CCNF: variants seen among roughly 807,000 people sequenced by gnomAD.
CCNF encodes cyclin-F.
Under a neutral mutation model 85.4 loss-of-function variants are expected in CCNF, and 30 were observed. That is an observed-to-expected ratio of 0.35 (90% CI 0.26 to 0.48). The LOEUF is 0.48. Ranked by LOEUF, CCNF falls within the 20% of genes least tolerant of loss-of-function variation. The pLI is 0.99. For synonymous variants in CCNF, 439 were observed against 425.1 expected, an observed-to-expected ratio of 1.03 and a Z score of -0.40; for missense variants, 919 against 1,010.4, an observed-to-expected ratio of 0.91 and a Z score of 1.23.
At chr16:2,454,365 C>T (rs955577533) in intron 15 of CCNF, among the ~76,000 whole-genome samples, 1 of 152,174 alleles carries the variant, frequency 6.6e-6, no homozygotes, top group African/African-American at 2.4e-5. Flanking sequence ...ACACACGCAC[C>T]GACTCCCTGG....
Position 2,456,744 on chromosome 16 carries a change from G to C in CCNF, c.2085G>C (p.Lys695Asn), listed in dbSNP as rs1334520310. 1 of 1,612,252 alleles carries C rather than the reference G, an allele frequency of 6.2e-7. No individual in the cohort carries two copies. Among genetic ancestry groups the C allele is most frequent in the African/African-American group, 1.3e-5 (1 of 75,022 alleles). The change falls in exon 17 of 17, where the codon AAG becomes AAC. Residue 695 changes from lysine (K) to asparagine (N), a missense_variant. Physicochemically the swap from Lys to Asn is moderately conservative, Grantham distance 94 (BLOSUM62 0). Coordinates refer to ENST00000397066, the MANE Select transcript of CCNF (RefSeq NM_001761.3). This position sits in a 1 kb window ranked among gnomAD's most constrained non-coding sequence, Gnocchi z 4.5. Reference sequence around the variant, plus strand: ...TCCGCACCAGCCGGGAGCCAGGGAAGGACGTCACGACCTCAGGGTACTCCT... The same window carrying C: ...TCCGCACCAGCCGGGAGCCAGGGAACGACGTCACGACCTCAGGGTACTCCT... Reference protein sequence around the residue: ...PLVRTSREPGKDVTTSGYSSV... With the variant: ...PLVRTSREPGNDVTTSGYSSV...
intron 1 of CCNF, among the ~76,000 whole-genome samples, chr16:2,430,218 C>T (rs1041520783): frequency 3.3e-5 from 5 of 151,902 alleles, no homozygotes; most frequent in Admixed American, 3.3e-4. Context: ...AGGGGAGTGG[C>T]GCTTCCTTTC....
chr16:2,440,552 A>ACTACACTCCATG (rs2065315683), intron 8 of CCNF, among the ~76,000 whole-genome samples: 1 of 151,942 alleles, frequency 6.6e-6, no homozygotes, highest in African/African-American at 2.4e-5. Flanking sequence ...AGGTTGCAGT[A>ACTACACTCCATG]CCACTACACT....
intron 8 of CCNF, among the ~76,000 whole-genome samples, chr16:2,442,864 T>TTA (rs1336638347): frequency 9.4e-5 from 4 of 42,728 alleles, no homozygotes; most frequent in African/African-American, 6.8e-4. Flanking sequence ...ATATATTATA[T>TTA]TATATATATT....
rs1473752616 is a variant in CCNF, at chr16:2,431,143, G to A, written c.30G>A (p.Arg10=). 3 of 1,613,798 alleles carry A rather than the reference G, an allele frequency of 1.9e-6. No homozygotes were observed. The highest frequency in any genetic ancestry group is 2.5e-6 in the Non-Finnish European group (3 of 1,179,996). Reference sequence around the variant, plus strand: ...TTTTTCCTTCAGTGGTCCACTGTAGGTGTGCCAAGTGTTTCTGTTATCCTA... The same window carrying A: ...TTTTTCCTTCAGTGGTCCACTGTAGATGTGCCAAGTGTTTCTGTTATCCTA... MGSGGVVHC[R]CAKCFCYPTK... Residue 10 remains arginine (R), a synonymous_variant, in exon 2 of 17, where the codon AGG becomes AGA. Transcript: ENST00000397066.
Position 2,455,654 on chromosome 16 carries a change from G to A in CCNF, c.1885+90G>A, listed in dbSNP as rs758432974. 2.3e-5 allele frequency: 34 copies of A among 1,461,866 alleles called. No individual in the cohort carries two copies. The Middle Eastern group carries it at 1.8e-3, about 77-fold the overall frequency. The allele number at this position is 1,461,866 out of a possible 1,614,324, so 90.6% of individuals were successfully genotyped here. On this transcript the variant is annotated intron_variant, in intron 16 of 16. Coordinates refer to ENST00000397066, the MANE Select transcript of CCNF (RefSeq NM_001761.3). ...TCTGGGCACCCGGCCCTGTGCGAGCGCTGTGGGAGGAAGATGTGCACAGAG... is the reference window on the plus strand; with the variant it reads ...TCTGGGCACCCGGCCCTGTGCGAGCACTGTGGGAGGAAGATGTGCACAGAG...
chr16:2,445,269 TGGG>T, intron 9 of CCNF, 186 bp from the exon 10 acceptor site: 1 of 625,512 alleles, frequency 1.6e-6, no homozygotes. Flanking sequence ...GGGCCTGCTT[TGGG>T]GCTGGGACCC....
Position 2,449,392 on chromosome 16 carries a change from C to T in CCNF, c.1329C>T (p.Ser443=). The T allele has an allele frequency of 1.2e-6, 2 of 1,612,670 alleles. No individual in the cohort carries two copies. The highest frequency in any genetic ancestry group is 1.7e-5 in the Admixed American group (1 of 60,022). ...FLCELSLLHT[S]LSAYAPARLA... Reference sequence around the variant, plus strand: ...GCGAGCTCTCCCTGCTGCACACCAGCCTGTCCGCCTACGCCCCAGCCCGCC... The same window carrying T: ...GCGAGCTCTCCCTGCTGCACACCAGTCTGTCCGCCTACGCCCCAGCCCGCC... Residue 443 remains serine (S), a synonymous_variant, in exon 12 of 17, where the codon AGC becomes AGT. Coordinates refer to ENST00000397066, the MANE Select transcript of CCNF (RefSeq NM_001761.3).
chr16:2,454,130 C>G (rs1220808049), intron 15 of CCNF, among the ~76,000 whole-genome samples: 1 of 152,202 alleles, frequency 6.6e-6, no homozygotes, highest in Non-Finnish European at 1.5e-5. Context: ...CAGTAACCTT[C>G]CCAAGGGCAG....
At position 2,455,547 on chromosome 16, in the gene CCNF, G is replaced by A. The variant is rs745443529; in HGVS notation, c.1868G>A (p.Gly623Asp). The A allele has an allele frequency of 3.1e-6, 5 of 1,598,586 alleles. No individual in the cohort carries two copies. In the South Asian group the frequency reaches 4.4e-5, roughly 14 times the overall value. Reference protein sequence around the residue: ...SGYEGDQESEGEKEGDVTAPS... With the variant: ...SGYEGDQESEDEKEGDVTAPS... ...TATGAAGGCGACCAGGAGAGTGAGG[G>A]CGAGAAGGAGGGCGACGGTGAGTGT... Residue 623 changes from glycine to aspartate, a missense_variant, in exon 16 of 17, where the codon GGC (glycine) becomes GAC (aspartate). Coordinates refer to ENST00000397066, the MANE Select transcript of CCNF (RefSeq NM_001761.3).
chr16:2,431,434 T>G (rs1362631297), intron 2 of CCNF, 150 bp downstream of exon 2: 5 of 788,480 alleles, frequency 6.3e-6, no homozygotes, highest in Admixed American at 2.9e-5. Flanking sequence ...TCCTAGCACT[T>G]TGGGAGGCCG....
chr16:2,449,032 G>T, intron 11 of CCNF, 54 bp downstream of exon 11: 6 of 1,407,708 alleles, frequency 4.3e-6, no homozygotes, highest in Admixed American at 1.7e-5. Context: ...GTGCTGGAGG[G>T]TGGGGGTGGG....
At chr16:2,438,204 A>AGG in intron 6 of CCNF, 81 bp downstream of exon 6, 1 of 1,114,262 alleles carries the variant, frequency 9.0e-7, no homozygotes, top group South Asian at 1.2e-5. Context: ...AAGCAGCAGA[A>AGG]GGGGGTGTCC....
At chr16:2,438,011 G>A (rs1261345624) in intron 5 of CCNF, 59 bp from the exon 6 acceptor site, 4 of 1,173,568 alleles carry the variant, frequency 3.4e-6, no homozygotes, top group South Asian at 2.4e-5. Context: ...ACAAGGGAGT[G>A]GTGGCCCCCG....
rs186006935 is a variant in CCNF, at chr16:2,453,849, G to A, written c.1715+312G>A. 3.3e-3 allele frequency among the ~76,000 whole-genome samples: 510 copies of A among 152,284 alleles called. 2 individuals are homozygous for A. The highest frequency in any genetic ancestry group is 0.011 in the African/African-American group (477 of 41,544). On this transcript the variant is annotated intron_variant, in intron 15 of 16. Coordinates refer to ENST00000397066, the MANE Select transcript of CCNF (RefSeq NM_001761.3). The surrounding 1 kb of genome is among the most constrained non-coding windows in gnomAD (Gnocchi z 5.6). Reference sequence around the variant, plus strand: ...CTAGCCCTGCCCGTGCCTGTCATGCGCGTCCTGGACTTCTCTGCTCCATGA... The same window carrying A: ...CTAGCCCTGCCCGTGCCTGTCATGCACGTCCTGGACTTCTCTGCTCCATGA...
chr16:2,450,420 A>G (rs1323847833), intron 13 of CCNF, among the ~76,000 whole-genome samples: 2 of 150,538 alleles, frequency 1.3e-5, no homozygotes, highest in Non-Finnish European at 2.9e-5. Context: ...CTGAGACAGG[A>G]GAATCACTTG....
At position 2,451,348 on chromosome 16, in the gene CCNF, G is replaced by A. The variant is rs992788341; in HGVS notation, c.1487+1433G>A. Among the ~76,000 whole-genome samples the A allele has an allele frequency of 1.3e-5, 2 of 152,186 alleles. No homozygotes were observed. Among genetic ancestry groups the A allele is most frequent in the African/African-American group, 4.8e-5 (2 of 41,458 alleles). The stretch of plus-strand genomic sequence containing the variant: ...GGGCCCAGTGCAGACCAGTGGGGCT[G>A]GGGGCCATGAGTGGAGTCATGGCAG... On this transcript the variant is annotated intron_variant, in intron 13 of 16. Coordinates refer to ENST00000397066, the MANE Select transcript of CCNF (RefSeq NM_001761.3). This position sits in a 1 kb window ranked among gnomAD's most constrained non-coding sequence, Gnocchi z 4.3.
chr16:2,443,987 T>G (rs968998053), intron 9 of CCNF, among the ~76,000 whole-genome samples, 187 bp downstream of exon 9: 23 of 151,322 alleles, frequency 1.5e-4, no homozygotes, highest in African/African-American at 5.6e-4. Context: ...TGGCGCGATC[T>G]CAGCTCACTG....
chr16:2,452,102 C>T lies in CCNF; in HGVS notation c.1488-1108C>T, dbSNP rs909475833. Among the ~76,000 whole-genome samples, 2 of 152,234 alleles carry T rather than the reference C, an allele frequency of 1.3e-5. No individual in the cohort carries two copies. The highest frequency in any genetic ancestry group is 4.8e-5 in the African/African-American group (2 of 41,464). On this transcript the variant is annotated intron_variant, in intron 13 of 16. Transcript: ENST00000397066. This position sits in a 1 kb window ranked among gnomAD's most constrained non-coding sequence, Gnocchi z 4.1. ...TCACAGCTTGGGGACTGGAGCTATC[C>T]GTGGCGGCTGCCCGGCCTCCTGGAA...
Sources: gnomAD v4.1 joint callset for allele counts (sites outside exome capture counted in the v4.1 genomes callset) on GRCh38, gnomAD v4.1.1 for gene constraint, Gnocchi (gnomAD v3.1) non-coding constraint, MANE v1.5 for transcripts, NCBI Gene and HGNC (gene_info 2026-07-23, HGNC 2026-07-21) for gene names.